Variants in MECOM observed in about 807,000 individuals in gnomAD.
MECOM encodes MDS1 and EVI1 complex locus, also known as histone-lysine N-methyltransferase MECOM.
Under a neutral mutation model 116.3 loss-of-function variants are expected in MECOM, and 13 were observed. That is an observed-to-expected ratio of 0.11 (90% CI 0.07 to 0.18). The LOEUF (loss-of-function observed/expected upper bound fraction) is 0.18. Ranked by LOEUF, MECOM falls within the 10% of genes least tolerant of loss-of-function variation. The probability of loss-of-function intolerance (pLI) is 1.00; values close to 1 mark genes in which losing one functional copy is unlikely to be tolerated. For missense variants in MECOM, 1,299 were observed against 1,509.0 expected, an observed-to-expected ratio of 0.86 and a Z score of 2.31; for synonymous variants, 528 against 535.2, an observed-to-expected ratio of 0.99 and a Z score of 0.19.
chr3:169,134,556 G>C (rs1735773798), intron 3 of MECOM, among the ~76,000 whole-genome samples: 1 of 152,196 alleles, frequency 6.6e-6, no homozygotes, highest in South Asian at 2.1e-4. Context: ...TTCTGGGCAT[G>C]CTTCCCCATA....
At position 169,480,235 on chromosome 3, in the gene MECOM, T is replaced by G. The variant is rs572425970; in HGVS notation, c.38-98711A>C. Among the ~76,000 whole-genome samples the G allele has an allele frequency of 2.6e-5, 4 of 152,338 alleles. No homozygotes were observed. In the East Asian group the frequency reaches 7.7e-4, roughly 29 times the overall value. ...TAATTGAAAGAGCTTCTTTATCACA[T>G]ATACTGTCCCATGAATACCTTCCAT... is the stretch of plus-strand genomic sequence containing the variant. On this transcript the variant is annotated intron_variant, in intron 1 of 16. Coordinates refer to ENST00000651503, the MANE Select transcript of MECOM (RefSeq NM_004991.4).
intron 16 of MECOM, 76 bp from the exon 17 acceptor site, chr3:169,085,119 A>C: frequency 1.3e-6 from 2 of 1,576,038 alleles, no homozygotes; most frequent in Non-Finnish European, 1.7e-6. Context: ...TATTGTTGGT[A>C]AATGGAAAGG....
intron 1 of MECOM, among the ~76,000 whole-genome samples, chr3:169,478,937 T>C (rs1231921123): frequency 6.6e-6 from 1 of 152,232 alleles, no homozygotes; most frequent in Non-Finnish European, 1.5e-5. Context: ...GCTACAATGA[T>C]GTAGTCACTA....
At chr3:169,622,417 A>C (rs1770859414) in intron 1 of MECOM, among the ~76,000 whole-genome samples, 1 of 152,100 alleles carries the variant, frequency 6.6e-6, no homozygotes, top group South Asian at 2.1e-4. Flanking sequence ...TTCATTTTTA[A>C]ACGAAAGGAG....
chr3:169,300,978 C>T (rs765026514), intron 2 of MECOM, among the ~76,000 whole-genome samples: 2 of 152,194 alleles, frequency 1.3e-5, no homozygotes, highest in East Asian at 1.9e-4. Flanking sequence ...TTCTGTTTCT[C>T]GTGCTGTCAC....
chr3:169,506,451 T>C (rs191266561), intron 1 of MECOM, among the ~76,000 whole-genome samples: 4 of 148,314 alleles, frequency 2.7e-5, no homozygotes, highest in African/African-American at 1.0e-4. Flanking sequence ...AATTGGCCTG[T>C]CTGAGGTGAG....
chr3:169,419,915 G>T (rs1228893464), intron 1 of MECOM, among the ~76,000 whole-genome samples: 1 of 151,920 alleles, frequency 6.6e-6, no homozygotes, highest in Non-Finnish European at 1.5e-5. Flanking sequence ...TTTACAAGAA[G>T]AAAATGAACA....
intron 1 of MECOM, among the ~76,000 whole-genome samples, chr3:169,662,055 A>C (rs1776351345): frequency 6.6e-6 from 1 of 152,218 alleles, no homozygotes; most frequent in South Asian, 2.1e-4. Context: ...GGACAAACGC[A>C]GTCCTGTCGT....
intron 1 of MECOM, among the ~76,000 whole-genome samples, chr3:169,628,336 A>T (rs1337773620): frequency 6.6e-6 from 1 of 152,258 alleles, no homozygotes; most frequent in East Asian, 1.9e-4. Context: ...TATAAAAGAA[A>T]AGTACTTTGC....
rs1384561144 is a variant in MECOM, at chr3:169,349,849, A to G, written c.375+31338T>C. Among the ~76,000 whole-genome samples, 4 of 152,058 alleles carry G rather than the reference A, an allele frequency of 2.6e-5. No individual in the cohort carries two copies. The East Asian group carries it at 7.8e-4, about 30-fold the overall frequency. On this transcript the variant is annotated intron_variant, in intron 2 of 16. Transcript: ENST00000651503. ...TTTTCCTATCAAGGCTTCAATCACA[A>G]CAATCCAAGTTAAAAACTCCAGTAA...
At chr3:169,223,227 C>T (rs1017309818) in intron 2 of MECOM, among the ~76,000 whole-genome samples, 3 of 151,388 alleles carry the variant, frequency 2.0e-5, no homozygotes, top group Admixed American at 6.6e-5. Context: ...GTGCTGCACC[C>T]GTTGACTCGT....
At chr3:169,661,530 G>A (rs967773890) in intron 1 of MECOM, among the ~76,000 whole-genome samples, 2 of 152,152 alleles carry the variant, frequency 1.3e-5, no homozygotes, top group African/African-American at 2.4e-5. Context: ...ATGACCCAAA[G>A]AGCCCTATAT....
At chr3:169,229,185 T>TA (rs1268278966) in intron 2 of MECOM, among the ~76,000 whole-genome samples, 1 of 152,168 alleles carries the variant, frequency 6.6e-6, no homozygotes, top group African/African-American at 2.4e-5. Context: ...AGGCCAACCT[T>TA]ACCAACTCCT....
chr3:169,452,156 G>T (rs553192044), intron 1 of MECOM, among the ~76,000 whole-genome samples: 1 of 151,756 alleles, frequency 6.6e-6, no homozygotes, highest in Non-Finnish European at 1.5e-5. Context: ...TTGGTAAGCC[G>T]GGTCATCACT....
intron 2 of MECOM, among the ~76,000 whole-genome samples, chr3:169,373,978 A>G (rs1243230513): frequency 2.0e-5 from 3 of 151,858 alleles, no homozygotes; most frequent in African/African-American, 4.8e-5. Context: ...CCTAAAATCC[A>G]TATGTTGAAG....
At chr3:169,623,292 C>G (rs1560505074) in intron 1 of MECOM, among the ~76,000 whole-genome samples, 1 of 152,176 alleles carries the variant, frequency 6.6e-6, no homozygotes, top group Non-Finnish European at 1.5e-5. Flanking sequence ...CAATCAAAAC[C>G]TGCTCTTATT....
chr3:169,375,458 G>A (rs561937602), intron 2 of MECOM, among the ~76,000 whole-genome samples: 12 of 151,764 alleles, frequency 7.9e-5, no homozygotes, highest in African/African-American at 2.9e-4. Context: ...AGAGAAGAGA[G>A]AAGAATCAAG....
rs573035892 is a variant in MECOM at position 169,475,127 on chromosome 3, A to G, written c.38-93603T>C. Among the ~76,000 whole-genome samples, 337 of 152,348 alleles carry G rather than the reference A, an allele frequency of 2.2e-3. 2 individuals are homozygous for G. The highest frequency in any genetic ancestry group is 3.3e-3 in the Non-Finnish European group (223 of 68,030). ...GAGTCCATGTATTTATTGGTAACAA[A>G]TGCACATACAAATCACTTGAAATTC... On this transcript the variant is annotated intron_variant, in intron 1 of 16. Transcript: ENST00000651503.
At chr3:169,444,417 T>C (rs1004130743) in intron 1 of MECOM, among the ~76,000 whole-genome samples, 2 of 152,126 alleles carry the variant, frequency 1.3e-5, no homozygotes, top group Non-Finnish European at 2.9e-5. Flanking sequence ...GGCTGGTCCT[T>C]CCCGTGTTAT....
Sources: gnomAD v4.1 joint callset for allele counts (sites outside exome capture counted in the v4.1 genomes callset) on GRCh38, gnomAD v4.1.1 for gene constraint, MANE v1.5 for transcripts, NCBI Gene and HGNC (gene_info 2026-07-23, HGNC 2026-07-21) for gene names.